CYRIB: variants seen among roughly 807,000 people sequenced by gnomAD.
The protein encoded by CYRIB is CYFIP-related Rac1 interactor B.
CYRIB carries 8 observed loss-of-function variants against 44.2 expected under a neutral mutation model. The observed-to-expected ratio is 0.18, with a 90% confidence interval of 0.11 to 0.33. The LOEUF (loss-of-function observed/expected upper bound fraction) is 0.33. Ranked by LOEUF, CYRIB falls within the 10% of genes least tolerant of loss-of-function variation. The pLI, the probability that CYRIB is intolerant of heterozygous loss-of-function variation, is 1.00. For synonymous variants in CYRIB, 131 were observed against 127.2 expected, an observed-to-expected ratio of 1.03 and a Z score of -0.20; for missense variants, 185 against 382.8, an observed-to-expected ratio of 0.48 and a Z score of 4.31.
chr8:129,989,942 G>A (rs2096586341), intron 1 of CYRIB, among the ~76,000 whole-genome samples: 1 of 151,906 alleles, frequency 6.6e-6, no homozygotes, highest in Non-Finnish European at 1.5e-5. Flanking sequence ...ATGGTTTCCA[G>A]CTTCATCCAT....
intron 1 of CYRIB, among the ~76,000 whole-genome samples, chr8:129,934,126 CT>C (rs966880472): frequency 2.0e-5 from 3 of 152,102 alleles, no homozygotes; most frequent in Admixed American, 1.3e-4. Flanking sequence ...ACAGGTGCCC[CT>C]TGGGGTTTTG....
At chr8:129,929,243 GGA>G (rs1006138368) in intron 1 of CYRIB, among the ~76,000 whole-genome samples, 1 of 152,022 alleles carries the variant, frequency 6.6e-6, no homozygotes, top group African/African-American at 2.4e-5. Flanking sequence ...AGAGAGTGAG[GGA>G]GAGAGTGTGA....
chr8:129,855,227 C>T lies in CYRIB; in HGVS notation c.438+384G>A, dbSNP rs1034940922. ...CCAACATGGTGAAACCCCGTCTCTA[C>T]TAAAAATACAAAAATTAGCCAGGCG... On this transcript the variant is annotated intron_variant, in intron 6 of 11. Transcript: ENST00000519824. Among the ~76,000 whole-genome samples the T allele has an allele frequency of 2.6e-5, 4 of 152,100 alleles. No homozygotes were observed. The East Asian group carries it at 7.8e-4, about 29-fold the overall frequency.
intron 4 of CYRIB, among the ~76,000 whole-genome samples, 180 bp from the exon 7 acceptor site, chr8:129,862,514 A>T (rs758746781): frequency 1.3e-5 from 2 of 152,052 alleles, no homozygotes; most frequent in Non-Finnish European, 2.9e-5. Flanking sequence ...TCTGTTGCCC[A>T]GGCTGAAGTG....
At chr8:129,979,467 C>T (rs1433255354) in intron 1 of CYRIB, among the ~76,000 whole-genome samples, 3 of 152,138 alleles carry the variant, frequency 2.0e-5, no homozygotes, top group African/African-American at 7.2e-5. Context: ...TAGGTTGAAC[C>T]ACTATTAGCT....
intron 2 of CYRIB, among the ~76,000 whole-genome samples, chr8:129,950,093 A>G (rs2094425645): frequency 6.6e-6 from 1 of 152,182 alleles, no homozygotes; most frequent in African/African-American, 2.4e-5. Flanking sequence ...AAATGTATGT[A>G]CCTGATTATC....
upstream of CYRIB, among the ~76,000 whole-genome samples, chr8:129,943,592 C>CTTTTTT (rs1172470025): frequency 1.0e-5 from 1 of 96,184 alleles, no homozygotes; most frequent in African/African-American, 4.4e-5. Context: ...GAGACTCCAT[C>CTTTTTT]TTTTTTTTTT....
chr8:129,905,360 G>A (rs1384163145), intron 1 of CYRIB, among the ~76,000 whole-genome samples: 1 of 152,122 alleles, frequency 6.6e-6, no homozygotes, highest in East Asian at 1.9e-4. Context: ...TAGGACTACA[G>A]GCGCCTGCCA....
At chr8:129,995,542 G>A (rs1482392545) in intron 1 of CYRIB, among the ~76,000 whole-genome samples, 1 of 152,208 alleles carries the variant, frequency 6.6e-6, no homozygotes, top group Admixed American at 6.5e-5. Flanking sequence ...GCCTCGTGCT[G>A]GGCACTGGAG....
upstream of CYRIB, chr8:130,016,454 G>C (rs2097349914): frequency 6.6e-6 from 1 of 150,766 alleles, no homozygotes; most frequent in Non-Finnish European, 1.5e-5. Flanking sequence ...CGCCGTTTCC[G>C]GGTTGGCGGG....
At chr8:129,936,584 T>C (rs2092827512) in intron 1 of CYRIB, among the ~76,000 whole-genome samples, 1 of 152,146 alleles carries the variant, frequency 6.6e-6, no homozygotes, top group Non-Finnish European at 1.5e-5. Context: ...AAGATACATA[T>C]ATCAAGTGCC....
chr8:129,884,768 C>A (rs995380208), intron 2 of CYRIB, among the ~76,000 whole-genome samples: 3 of 152,100 alleles, frequency 2.0e-5, no homozygotes, highest in African/African-American at 7.2e-5. Flanking sequence ...ATTGTATTTA[C>A]TAAATAAGCT....
At chr8:130,004,641 G>T (rs1478945915) in intron 1 of CYRIB, 2 of 151,520 alleles carry the variant, frequency 1.3e-5, no homozygotes, top group African/African-American at 4.8e-5. Context: ...GTACTTTATC[G>T]TATATTGTCT....
chr8:129,906,852 CTCA>C (rs1269606130), intron 1 of CYRIB, among the ~76,000 whole-genome samples: 1 of 152,312 alleles, frequency 6.6e-6, no homozygotes, highest in African/African-American at 2.4e-5. Context: ...AGAAAAAATG[CTCA>C]TCATCACTGG....
intron 4 of CYRIB, among the ~76,000 whole-genome samples, chr8:129,862,810 CTT>C (rs375549102): frequency 6.6e-6 from 1 of 152,270 alleles, no homozygotes; most frequent in African/African-American, 2.4e-5. Flanking sequence ...AAGGGTGAGT[CTT>C]CTCAACTCCA....
At chr8:129,956,161 T>C (rs1382424518) in intron 2 of CYRIB, among the ~76,000 whole-genome samples, 2 of 152,200 alleles carry the variant, frequency 1.3e-5, no homozygotes, top group Non-Finnish European at 2.9e-5. Context: ...GAATCAGAAG[T>C]GATTATCTTT....
At chr8:130,005,196 CAG>C (rs776284245) in intron 1 of CYRIB, among the ~76,000 whole-genome samples, 26 of 152,096 alleles carry the variant, frequency 1.7e-4, no homozygotes, top group Non-Finnish European at 3.2e-4. Context: ...CTCTGTTGAG[CAG>C]AGTTTCTTCT....
chr8:129,955,126 A>C (rs1212500023), intron 2 of CYRIB, among the ~76,000 whole-genome samples: 1 of 151,882 alleles, frequency 6.6e-6, no homozygotes, highest in Non-Finnish European at 1.5e-5. Context: ...GATGGTGCAC[A>C]CTTGTAGTCC....
chr8:129,879,341 G>A (rs764055355), intron 3 of CYRIB, 48 bp downstream of exon 5: 29 of 1,215,710 alleles, frequency 2.4e-5, no homozygotes, highest in Admixed American at 2.3e-4. Flanking sequence ...CAAGACAAAC[G>A]CAGTCTACTG....
Sources: allele counts gnomAD v4.1 joint callset (sites outside exome capture counted in the v4.1 genomes callset), GRCh38; gene constraint gnomAD v4.1.1; transcripts MANE v1.5; gene names NCBI Gene and HGNC (gene_info 2026-07-23, HGNC 2026-07-21).